LDB2: variants seen among roughly 807,000 people sequenced by gnomAD.
The protein encoded by LDB2 is LIM domain-binding protein 2.
LDB2 carries 12 observed loss-of-function variants against 44.3 expected under a neutral mutation model. The ratio of observed to expected loss-of-function variants is 0.27; its 90% CI spans 0.17 to 0.44. The LOEUF (loss-of-function observed/expected upper bound fraction) is 0.44, where lower values mean the gene tolerates loss of function less well. Ranked by LOEUF, LDB2 falls within the 20% of genes least tolerant of loss-of-function variation. The probability of loss-of-function intolerance (pLI) is 1.00; values close to 1 mark genes in which losing one functional copy is unlikely to be tolerated. For synonymous variants in LDB2, 164 were observed against 174.8 expected, an observed-to-expected ratio of 0.94 and a Z score of 0.49; for missense variants, 344 against 473.5, an observed-to-expected ratio of 0.73 and a Z score of 2.54.
At chr4:16,811,254 G>A (rs911763038) in intron 1 of LDB2, among the ~76,000 whole-genome samples, 5 of 152,144 alleles carry the variant, frequency 3.3e-5, no homozygotes, top group African/African-American at 1.2e-4. Flanking sequence ...CACTTATTGA[G>A]CACTAATCAG....
At chr4:16,610,674 TGAAAG>T (rs1725365222) in intron 2 of LDB2, among the ~76,000 whole-genome samples, 1 of 130,838 alleles carries the variant, frequency 7.6e-6, no homozygotes, top group Admixed American at 7.4e-5. Context: ...AAAAAAAAAA[TGAAAG>T]GAATGAACAA....
At chr4:16,686,141 C>T (rs1438615047) in intron 2 of LDB2, among the ~76,000 whole-genome samples, 1 of 152,172 alleles carries the variant, frequency 6.6e-6, no homozygotes, top group Non-Finnish European at 1.5e-5. Context: ...CAGAGAGCCA[C>T]TCGAAGCAGA....
intron 1 of LDB2, among the ~76,000 whole-genome samples, chr4:16,825,397 C>T (rs1782865280): frequency 6.6e-6 from 1 of 152,184 alleles, no homozygotes; most frequent in South Asian, 2.1e-4. Context: ...CCTAACCTTT[C>T]TGAGTGCATT....
intron 2 of LDB2, among the ~76,000 whole-genome samples, chr4:16,723,922 A>G (rs1352018037): frequency 1.3e-5 from 2 of 152,138 alleles, no homozygotes; most frequent in African/African-American, 4.8e-5. Context: ...TACCACCTGG[A>G]ATAGGACAAA....
intron 2 of LDB2, among the ~76,000 whole-genome samples, chr4:16,735,238 G>A (rs1761652344): frequency 6.6e-6 from 1 of 152,070 alleles, no homozygotes; most frequent in African/African-American, 2.4e-5. Context: ...TGATATGGTG[G>A]GAGACAGGAA....
chr4:16,747,756 T>C (rs1374109492), intron 2 of LDB2, among the ~76,000 whole-genome samples: 1 of 152,168 alleles, frequency 6.6e-6, no homozygotes, highest in Non-Finnish European at 1.5e-5. Context: ...AGGTGGTTGA[T>C]TTTTATCTGG....
At chr4:16,787,084 GT>G (rs1348881751) in intron 1 of LDB2, among the ~76,000 whole-genome samples, 1 of 152,124 alleles carries the variant, frequency 6.6e-6, no homozygotes, top group Non-Finnish European at 1.5e-5. Flanking sequence ...AGTTTGAGAG[GT>G]TTTTTTGTTT....
chr4:16,579,291 T>C lies in LDB2; in HGVS notation c.615+6631A>G, dbSNP rs185002384. Among the ~76,000 whole-genome samples, 5 of 152,304 alleles carry C rather than the reference T, an allele frequency of 3.3e-5. No homozygotes were observed. In the East Asian group the frequency reaches 9.6e-4, roughly 29 times the overall value. On this transcript the variant is annotated intron_variant, in intron 5 of 7. Transcript: ENST00000304523. Reference sequence around the variant, plus strand: ...GTATCAAAATACCTCATGTAACTTATAAATATATACACCTACTATGTACCC... The same window carrying C: ...GTATCAAAATACCTCATGTAACTTACAAATATATACACCTACTATGTACCC...
intron 2 of LDB2, among the ~76,000 whole-genome samples, chr4:16,742,333 G>A (rs1763469329): frequency 6.6e-6 from 1 of 152,100 alleles, no homozygotes; most frequent in African/African-American, 2.4e-5. Context: ...GCCTCCCAAA[G>A]TGCTGGGATT....
intron 1 of LDB2, among the ~76,000 whole-genome samples, chr4:16,869,191 G>A (rs562924427): frequency 1.4e-4 from 22 of 152,020 alleles, no homozygotes; most frequent in South Asian, 8.3e-4. Context: ...CTGGGGCCTA[G>A]AGAAGTTAAG....
chr4:16,671,083 A>G lies in LDB2; in HGVS notation c.236-75208T>C, dbSNP rs1236756738. Among the ~76,000 whole-genome samples, 5 of 150,516 alleles carry G rather than the reference A, an allele frequency of 3.3e-5. No homozygotes were observed. In the East Asian group the frequency reaches 9.8e-4, roughly 30 times the overall value. On this transcript the variant is annotated intron_variant, in intron 2 of 7. Transcript: ENST00000304523. The stretch of plus-strand genomic sequence containing the variant: ...ATATTATTACTCAAGTGCTTGGAAG[A>G]AAATTCTTTTTAAAATAGCACATAC...
intron 2 of LDB2, among the ~76,000 whole-genome samples, chr4:16,695,457 G>A (rs2152616072): frequency 6.8e-6 from 1 of 147,748 alleles, no homozygotes; most frequent in Non-Finnish European, 1.5e-5. Flanking sequence ...GCAAGACTCT[G>A]TCAAAAAAAA....
chr4:16,866,651 A>C (rs1049778536), intron 1 of LDB2, among the ~76,000 whole-genome samples: 1 of 152,196 alleles, frequency 6.6e-6, no homozygotes, highest in African/African-American at 2.4e-5. Context: ...TATTCAGTCA[A>C]AGAAAGGAGT....
At chr4:16,717,041 C>G (rs1757198695) in intron 2 of LDB2, among the ~76,000 whole-genome samples, 1 of 151,892 alleles carries the variant, frequency 6.6e-6, no homozygotes, top group Admixed American at 6.6e-5. Context: ...AATATATTAG[C>G]TGTTTCTCAG....
intron 1 of LDB2, among the ~76,000 whole-genome samples, chr4:16,772,112 A>G (rs1056043173): frequency 6.6e-6 from 1 of 151,964 alleles, no homozygotes; most frequent in Non-Finnish European, 1.5e-5. Context: ...TGCGTCCACC[A>G]CCAGTGGATG....
At chr4:16,532,919 G>A (rs1280456912) in intron 5 of LDB2, among the ~76,000 whole-genome samples, 3 of 152,104 alleles carry the variant, frequency 2.0e-5, no homozygotes, top group Non-Finnish European at 1.5e-5. Context: ...TCCTAGCATA[G>A]GAACCACTTT....
intron 2 of LDB2, among the ~76,000 whole-genome samples, chr4:16,685,998 G>GCTGAGAT (rs1168177981): frequency 1.3e-5 from 2 of 152,152 alleles, no homozygotes; most frequent in Admixed American, 6.5e-5. Context: ...GTTTCAGTGA[G>GCTGAGAT]CTGAGATCGT....
intron 2 of LDB2, among the ~76,000 whole-genome samples, chr4:16,668,131 A>AT (rs1390896418): frequency 1.4e-5 from 2 of 147,802 alleles, no homozygotes; most frequent in African/African-American, 2.6e-5. Context: ...AGTTTCATAA[A>AT]TTTTTAATCA....
At chr4:16,584,334 T>A (rs544320777) in intron 5 of LDB2, among the ~76,000 whole-genome samples, 18 of 152,330 alleles carry the variant, frequency 1.2e-4, no homozygotes, top group African/African-American at 4.1e-4. Context: ...AAGAAAGATA[T>A]GACCCAATTC....
Sources: allele counts gnomAD v4.1 joint callset (sites outside exome capture counted in the v4.1 genomes callset), GRCh38; gene constraint gnomAD v4.1.1; transcripts MANE v1.5; gene names NCBI Gene and HGNC (gene_info 2026-07-23, HGNC 2026-07-21).